Variants in TSHZ3 observed in about 807,000 individuals in gnomAD.
TSHZ3 encodes the protein teashirt homolog 3.
Under a neutral mutation model 64.5 loss-of-function variants are expected in TSHZ3, and 10 were observed. That is an observed-to-expected ratio of 0.16 (90% CI 0.10 to 0.26). The LOEUF (loss-of-function observed/expected upper bound fraction) is 0.26. TSHZ3 is among the 10% of genes least tolerant of loss of function. TSHZ3 has a pLI of 1.00. For missense variants in TSHZ3, 1,242 were observed against 1,421.7 expected (o/e 0.87, Z 2.03); for synonymous variants, 608 against 593.1 (o/e 1.03, Z -0.36).
intron 5 of TSHZ3, among the ~76,000 whole-genome samples, chr19:31,184,174 T>C (rs920759285): frequency 1.3e-5 from 2 of 152,230 alleles, no homozygotes; most frequent in Non-Finnish European, 1.5e-5. Context: ...TTTTCTTTTT[T>C]GTTGCAATCA....
chr19:31,259,680 G>A (rs185522912), intron 1 of TSHZ3, among the ~76,000 whole-genome samples: 146 of 152,260 alleles, frequency 9.6e-4, no homozygotes, highest in African/African-American at 3.4e-3. Context: ...AGGAGGTCAT[G>A]TTCTCCAGAA....
At chr19:31,189,012 C>A (rs1974859657) in intron 5 of TSHZ3, among the ~76,000 whole-genome samples, 1 of 151,742 alleles carries the variant, frequency 6.6e-6, no homozygotes, top group Non-Finnish European at 1.5e-5. Flanking sequence ...TAATTTTTAT[C>A]TTTCAATGTA....
At chr19:31,167,250 A>G (rs1306557045) in intron 5 of TSHZ3, among the ~76,000 whole-genome samples, 2 of 152,354 alleles carry the variant, frequency 1.3e-5, no homozygotes, top group Non-Finnish European at 2.9e-5. Context: ...ACAATTCATT[A>G]TCAAATTTAC....
At chr19:31,154,508 C>T (rs778996263) in intron 6 of TSHZ3, among the ~76,000 whole-genome samples, 3 of 152,158 alleles carry the variant, frequency 2.0e-5, no homozygotes, top group Non-Finnish European at 4.4e-5. Flanking sequence ...AACCAGGTTC[C>T]TGTCACATGA....
chr19:31,237,900 A>G (rs1975640261), intron 3 of TSHZ3, among the ~76,000 whole-genome samples: 1 of 151,990 alleles, frequency 6.6e-6, no homozygotes, highest in African/African-American at 2.4e-5. Context: ...ATGTTTAGAG[A>G]TTTTCTAGAT....
At chr19:31,349,026 G>T in intron 1 of TSHZ3, 154 bp downstream of exon 1, 1 of 917,394 alleles carries the variant, frequency 1.1e-6, no homozygotes, top group South Asian at 2.0e-5. Flanking sequence ...CGGTACCCGA[G>T]GCGGGCGCAC....
intron 5 of TSHZ3, among the ~76,000 whole-genome samples, chr19:31,173,545 G>A (rs937181845): frequency 6.6e-6 from 1 of 152,190 alleles, no homozygotes; most frequent in Non-Finnish European, 1.5e-5. Context: ...TAAATGGAAA[G>A]CACTCATAAG....
At chr19:31,200,276 G>A (rs939549439) in intron 5 of TSHZ3, among the ~76,000 whole-genome samples, 3 of 151,970 alleles carry the variant, frequency 2.0e-5, no homozygotes, top group African/African-American at 7.2e-5. Flanking sequence ...ACATGGATAT[G>A]TATAGCAGCT....
chr19:31,162,752 C>T (rs1471476673), intron 5 of TSHZ3, among the ~76,000 whole-genome samples: 1 of 152,198 alleles, frequency 6.6e-6, no homozygotes, highest in Non-Finnish European at 1.5e-5. Flanking sequence ...ATGTGCTCAG[C>T]ATACATGAGG....
In TSHZ3 at chr19:31,278,029, G is replaced by A; in HGVS notation, c.1764C>T (p.Asn588=). 6.2e-7 allele frequency: 1 copy of A among 1,613,424 alleles called. No individual in the cohort carries two copies. The highest frequency in any genetic ancestry group is 8.5e-7 in the Non-Finnish European group (1 of 1,179,386). Residue 588 remains asparagine, a synonymous_variant, in exon 2 of 2, where the codon AAC becomes AAT. Coordinates refer to ENST00000240587, the MANE Select transcript of TSHZ3 (RefSeq NM_020856.4). This position sits in a 1 kb window ranked among gnomAD's most constrained non-coding sequence, Gnocchi z 4.7. ...TGCTGGGTGGAGAGACCAGGGTCTG[G>A]TTTTTCGTCGGGGAGACAATCTCAC... is the stretch of plus-strand genomic sequence containing the variant. ...GNSEIVSPTK[N]QTLVSPPSSQ...
chr19:31,305,491 A>C (rs1916267221), intron 1 of TSHZ3: 1 of 152,196 alleles, frequency 6.6e-6, no homozygotes. Flanking sequence ...TTCATACCTT[A>C]GATGGAGAAA....
At chr19:31,284,501 G>A (rs1460264392) in intron 1 of TSHZ3, among the ~76,000 whole-genome samples, 1 of 152,138 alleles carries the variant, frequency 6.6e-6, no homozygotes, top group Non-Finnish European at 1.5e-5. Flanking sequence ...TGAAGGAAGG[G>A]AGTCCTCCAC....
chr19:31,345,798 T>C (rs1364123759), intron 1 of TSHZ3, among the ~76,000 whole-genome samples: 2 of 152,198 alleles, frequency 1.3e-5, no homozygotes, highest in Non-Finnish European at 2.9e-5. Context: ...CTAAAATTTT[T>C]CTGGCATTTT....
intron 1 of TSHZ3, among the ~76,000 whole-genome samples, chr19:31,342,421 C>A (rs923239961): frequency 2.0e-5 from 3 of 152,146 alleles, no homozygotes; most frequent in Admixed American, 6.5e-5. Context: ...AAGTGTAAAT[C>A]TTTAAAAGGT....
At chr19:31,257,327 C>T (rs915789252) in intron 1 of TSHZ3, among the ~76,000 whole-genome samples, 5 of 152,172 alleles carry the variant, frequency 3.3e-5, no homozygotes, top group Non-Finnish European at 7.3e-5. Flanking sequence ...AGTGTCTGAG[C>T]GACTCTCATT....
chr19:31,248,619 C>CAA (rs35503682), intron 1 of TSHZ3, among the ~76,000 whole-genome samples: 11,354 of 142,594 alleles, frequency 0.08, 1,464 homozygotes, highest in African/African-American at 0.27. Context: ...TTATTTCTAC[C>CAA]AAAAAAAAAA....
chr19:31,338,138 G>GGCT (rs1917309911), intron 1 of TSHZ3, among the ~76,000 whole-genome samples: 1 of 152,220 alleles, frequency 6.6e-6, no homozygotes, highest in Admixed American at 6.5e-5. Flanking sequence ...CAGGGAAGCA[G>GGCT]GCTGCAAGGC....
chr19:31,296,537 T>C (rs1167907909), intron 1 of TSHZ3, among the ~76,000 whole-genome samples: 4 of 152,104 alleles, frequency 2.6e-5, no homozygotes, highest in African/African-American at 7.2e-5. Context: ...GGTTTCACCA[T>C]GTTAGCCAGG....
At chr19:31,177,977 A>G (rs1447712766) in intron 5 of TSHZ3, among the ~76,000 whole-genome samples, 1 of 152,094 alleles carries the variant, frequency 6.6e-6, no homozygotes, top group Admixed American at 6.6e-5. Context: ...ATCAAACACC[A>G]CGGACTGGGC....
Sources: gnomAD v4.1 joint callset for allele counts (sites outside exome capture counted in the v4.1 genomes callset) on GRCh38, gnomAD v4.1.1 for gene constraint, Gnocchi (gnomAD v3.1) non-coding constraint, MANE v1.5 for transcripts, NCBI Gene and HGNC (gene_info 2026-07-23, HGNC 2026-07-21) for gene names.